BACE2: variants seen among roughly 807,000 people sequenced by gnomAD.
BACE2 encodes 56 kDa aspartic-like protease.
In BACE2, 17 loss-of-function variants were observed where a neutral mutation model predicts 46.2. The observed-to-expected ratio is 0.37, with a 90% CI of 0.25 to 0.55. The LOEUF is 0.55. Among genes scored for constraint, BACE2 ranks in the 20% least tolerant of loss-of-function variants. The pLI, the probability that BACE2 is intolerant of heterozygous loss-of-function variation, is 0.82. For synonymous variants in BACE2, 277 were observed against 295.9 expected (o/e 0.94, Z 0.66); for missense variants, 595 against 698.1 (o/e 0.85, Z 1.66).
At chr21:41,255,838 A>G (rs936873662) in intron 7 of BACE2, among the ~76,000 whole-genome samples, 2 of 152,248 alleles carry the variant, frequency 1.3e-5, no homozygotes, top group African/African-American at 4.8e-5. Flanking sequence ...TTAACCTTGT[A>G]TAACATGGCC....
At chr21:41,234,229 TCAC>T (rs1438182798) in intron 2 of BACE2, among the ~76,000 whole-genome samples, 3 of 152,198 alleles carry the variant, frequency 2.0e-5, no homozygotes, top group Non-Finnish European at 2.9e-5. Context: ...GACATGCCTT[TCAC>T]CTTCCACCAT....
chr21:41,261,390 A>G (rs1261740264), intron 8 of BACE2, among the ~76,000 whole-genome samples: 1 of 151,976 alleles, frequency 6.6e-6, no homozygotes. Flanking sequence ...GGGATGTTTG[A>G]GCTTCTTCTC....
rs764307936 is a variant in BACE2, at chr21:41,245,959, A to G, written c.883-3A>G. 3 of 1,604,610 alleles carry G rather than the reference A, an allele frequency of 1.9e-6. No individual in the cohort carries two copies. Among genetic ancestry groups the G allele is most frequent in the Non-Finnish European group, 2.6e-6 (3 of 1,174,998 alleles). Reference sequence around the variant, plus strand: ...CACCTTTCCCTTTCTCTCCCGGTTCAAGTATAACGCAGACAAGGCCATCGT... The same window carrying G: ...CACCTTTCCCTTTCTCTCCCGGTTCGAGTATAACGCAGACAAGGCCATCGT... On this transcript the variant is annotated splice_polypyrimidine_tract_variant and splice_region_variant and intron_variant, in intron 5 of 8. Transcript: ENST00000330333.
intron 8 of BACE2, among the ~76,000 whole-genome samples, chr21:41,264,479 T>C (rs1401949871): frequency 6.6e-6 from 1 of 151,950 alleles, no homozygotes; most frequent in Non-Finnish European, 1.5e-5. Flanking sequence ...AATTGGCTCA[T>C]GGTTCTGCAG....
rs1438150144 is a variant in BACE2, at chr21:41,277,558, G to A, written c.*1934G>A. ...TTTGTGGGCCGCTTTGCACAGGAGT[G>A]AAGCCAACACCCCTAGATTGTGCCT... On this transcript the variant is annotated 3_prime_UTR_variant, in exon 9 of 9. Transcript: ENST00000330333. 1 of 152,188 alleles carries A rather than the reference G, an allele frequency of 6.6e-6. No individual in the cohort carries two copies. The highest frequency in any genetic ancestry group is 2.4e-5 in the African/African-American group (1 of 41,442). The allele number at this position is 152,188 out of a possible 1,614,324, so 9.4% of individuals were successfully genotyped here. A position where few individuals can be genotyped will look rare whatever the true frequency, so the allele number is the denominator to read the frequency against.
At position 41,250,882 on chromosome 21, in the gene BACE2, G is replaced by A. The variant is rs757902823; in HGVS notation, c.1115G>A (p.Arg372His). 79 of 1,613,930 alleles carry A rather than the reference G, an allele frequency of 4.9e-5. No individual in the cohort carries two copies. Among genetic ancestry groups the A allele is most frequent in the Middle Eastern group, 1.6e-4 (1 of 6,084 alleles). Reference protein sequence around the residue: ...LRDENSSRSFRITILPQLYIQ... With the variant: ...LRDENSSRSFHITILPQLYIQ... ...GACGAGAACTCCAGCAGGTCATTCCGTATCACAATCCTGCCTCAGGTATGA... is the reference window on the plus strand; with the variant it reads ...GACGAGAACTCCAGCAGGTCATTCCATATCACAATCCTGCCTCAGGTATGA... Residue 372 changes from arginine to histidine, a missense_variant, in exon 7 of 9, where the codon CGT becomes CAT. Arg to His is a conservative substitution (Grantham distance 29). Transcript: ENST00000330333.
chr21:41,274,490 T>C (rs1328588751), intron 8 of BACE2, among the ~76,000 whole-genome samples: 5 of 152,134 alleles, frequency 3.3e-5, no homozygotes, highest in Non-Finnish European at 2.9e-5. Context: ...ATAGGAAAAA[T>C]GGGTAATGAG....
intron 2 of BACE2, among the ~76,000 whole-genome samples, chr21:41,227,474 G>A (rs1986854004): frequency 6.6e-6 from 1 of 152,232 alleles, no homozygotes; most frequent in Middle Eastern, 3.2e-3. Flanking sequence ...ATTTAATAAA[G>A]CCAGATGATT....
At chr21:41,237,774 G>C in intron 3 of BACE2, 45 bp downstream of exon 3, 1 of 1,540,424 alleles carries the variant, frequency 6.5e-7, no homozygotes, top group Non-Finnish European at 9.0e-7. Flanking sequence ...AACAGGATGA[G>C]ATTCTGAAAA....
intron 1 of BACE2, chr21:41,178,942 A>T: frequency 4.6e-6 from 2 of 434,754 alleles, no homozygotes; most frequent in Non-Finnish European, 7.6e-6. Flanking sequence ...CCTGCTTTAT[A>T]AGGGCGGTTA....
At chr21:41,242,945 C>T (rs964361431) in intron 4 of BACE2, among the ~76,000 whole-genome samples, 7 of 151,966 alleles carry the variant, frequency 4.6e-5, no homozygotes, top group African/African-American at 7.3e-5. Flanking sequence ...GATGGAGTCT[C>T]GCTCTGTCGC....
At chr21:41,238,130 G>C (rs1987178157) in intron 3 of BACE2, among the ~76,000 whole-genome samples, 1 of 152,240 alleles carries the variant, frequency 6.6e-6, no homozygotes. Flanking sequence ...GCAGGCAGGG[G>C]GTGGTGCCCT....
chr21:41,260,583 G>C (rs139741521), intron 8 of BACE2, among the ~76,000 whole-genome samples: 97 of 152,312 alleles, frequency 6.4e-4, no homozygotes, highest in African/African-American at 2.2e-3. Context: ...GGTGGCAGGA[G>C]CCCTGCTTCC....
chr21:41,194,575 C>T (rs1194688354), intron 1 of BACE2, among the ~76,000 whole-genome samples: 1 of 152,162 alleles, frequency 6.6e-6, no homozygotes, highest in Non-Finnish European at 1.5e-5. Flanking sequence ...CGTTTTCTGA[C>T]TTTAATGAAA....
At chr21:41,239,381 C>T (rs1240955383) in intron 3 of BACE2, among the ~76,000 whole-genome samples, 1 of 151,950 alleles carries the variant, frequency 6.6e-6, no homozygotes, top group African/African-American at 2.4e-5. Context: ...TTTCTTTTTA[C>T]TTTTTTATTT....
intron 7 of BACE2, among the ~76,000 whole-genome samples, chr21:41,253,223 C>T (rs1180133680): frequency 6.6e-6 from 1 of 151,946 alleles, no homozygotes; most frequent in African/African-American, 2.4e-5. Context: ...GGGTGAATCA[C>T]GAGGTCAGGA....
At chr21:41,200,710 T>G (rs2123528541) in intron 1 of BACE2, among the ~76,000 whole-genome samples, 1 of 152,238 alleles carries the variant, frequency 6.6e-6, no homozygotes, top group East Asian at 1.9e-4. Flanking sequence ...ACAAGTGTCC[T>G]TATATAGGAC....
rs764460234 is a variant in BACE2, at chr21:41,275,513, C to T, written c.1446C>T (p.Ile482=). ...CGCTCATGAGCGTCTGTGGAGCCAT[C>T]CTCCTTGTCTTAATCGTCCTGCTGC... is the stretch of plus-strand genomic sequence containing the variant. ...SYALMSVCGA[I]LLVLIVLLLL... is the part of the protein sequence containing the mutation. Residue 482 remains isoleucine, a synonymous_variant, in exon 9 of 9, where the codon ATC becomes ATT. Coordinates refer to ENST00000330333, the MANE Select transcript of BACE2 (RefSeq NM_012105.5). 5.6e-6 allele frequency: 9 copies of T among 1,613,988 alleles called. No individual in the cohort carries two copies. The Admixed American group carries it at 6.7e-5, about 12-fold the overall frequency.
intron 1 of BACE2, chr21:41,178,924 G>T: frequency 2.6e-6 from 1 of 381,920 alleles, no homozygotes; most frequent in South Asian, 3.0e-5. Flanking sequence ...GGGTATTGGT[G>T]AAAGAATCCT....
Sources: gnomAD v4.1 joint callset for allele counts (sites outside exome capture counted in the v4.1 genomes callset) on GRCh38, gnomAD v4.1.1 for gene constraint, MANE v1.5 for transcripts, NCBI Gene and HGNC (gene_info 2026-07-23, HGNC 2026-07-21) for gene names.